The following WNT11 variants were observed in gnomAD, a reference collection of about 807,000 sequenced individuals.
WNT11 encodes Wnt family member 11, also known as protein Wnt-11.
In WNT11, 20 loss-of-function variants were observed where a neutral mutation model predicts 35.6. The observed-to-expected ratio is 0.56, with a 90% CI of 0.40 to 0.82. The LOEUF (loss-of-function observed/expected upper bound fraction) is 0.82, where lower values mean the gene tolerates loss of function less well. Among genes scored for constraint, WNT11 ranks in the 40% least tolerant of loss-of-function variants. The pLI is 0.00. For synonymous variants in WNT11, 200 were observed against 211.9 expected (o/e 0.94, Z 0.49); for missense variants, 459 against 504.4 (o/e 0.91, Z 0.86).
intron 1 of WNT11, among the ~76,000 whole-genome samples, 167 bp from the exon 2 acceptor site, chr11:76,196,885 A>G (rs919883726): frequency 1.3e-5 from 2 of 152,254 alleles, no homozygotes; most frequent in African/African-American, 4.8e-5. Flanking sequence ...CTGGCAGAGC[A>G]GTGGATCCCC....
intron 1 of WNT11, among the ~76,000 whole-genome samples, chr11:76,203,142 C>T (rs150693019): frequency 1.1e-3 from 167 of 152,342 alleles, no homozygotes; most frequent in Non-Finnish European, 1.7e-3. Context: ...CAGATCTGTA[C>T]GCAGCCAATC....
At chr11:76,193,211 T>TA (rs1953211656) in intron 3 of WNT11, among the ~76,000 whole-genome samples, 1 of 152,260 alleles carries the variant, frequency 6.6e-6, no homozygotes, top group African/African-American at 2.4e-5. Flanking sequence ...CCTGGTGTAT[T>TA]AAACACGTTT....
chr11:76,197,039 C>T (rs3781730), intron 1 of WNT11, among the ~76,000 whole-genome samples: 15,473 of 152,298 alleles, frequency 0.1, 1,021 homozygotes, highest in Non-Finnish European at 0.15. Flanking sequence ...CAAAGCTCAC[C>T]TCCACCACCT....
chr11:76,189,856 G>A (rs561712820), intron 4 of WNT11, among the ~76,000 whole-genome samples: 3 of 152,210 alleles, frequency 2.0e-5, no homozygotes, highest in African/African-American at 7.2e-5. Context: ...GAAATTGGGG[G>A]TGTTTGTTAC....
At chr11:76,209,561 G>A (rs984733215), upstream of WNT11, among the ~76,000 whole-genome samples, 1 of 152,220 alleles carries the variant, frequency 6.6e-6, no homozygotes, top group Non-Finnish European at 1.5e-5. Context: ...GCCGAGCGAC[G>A]GCTTCAAGGT....
upstream of WNT11, among the ~76,000 whole-genome samples, chr11:76,207,485 G>T (rs1953492190): frequency 6.6e-6 from 1 of 152,150 alleles, no homozygotes; most frequent in Admixed American, 6.5e-5. Context: ...CACAGAGGTG[G>T]GGTTCAGCTA....
chr11:76,195,269 T>G (rs942491837), intron 2 of WNT11, among the ~76,000 whole-genome samples: 26 of 152,206 alleles, frequency 1.7e-4, no homozygotes, highest in African/African-American at 6.0e-4. Flanking sequence ...GAGCATAATC[T>G]TATGACGAAG....
chr11:76,194,530 G>A lies in WNT11; in HGVS notation c.597+37C>T. 1.5e-6 allele frequency: 2 copies of A among 1,362,090 alleles called. No individual in the cohort carries two copies. The highest frequency in any genetic ancestry group is 2.0e-6 in the Non-Finnish European group (2 of 1,024,992). The allele number at this position is 1,362,090 out of a possible 1,614,324, so 84.4% of individuals were successfully genotyped here. A position where few individuals can be genotyped will look rare whatever the true frequency, so the allele number is the denominator to read the frequency against. On this transcript the variant is annotated intron_variant, in intron 3 of 4. Coordinates refer to ENST00000322563, the MANE Select transcript of WNT11 (RefSeq NM_004626.3). The surrounding 1 kb of genome is among the most constrained non-coding windows in gnomAD (Gnocchi z 5.4). Reference sequence around the variant, plus strand: ...GGCCCTTTTCTGGCCAATGGCACAAGCACAACTATCTGGGGGTGGGTGGGG... The same window carrying A: ...GGCCCTTTTCTGGCCAATGGCACAAACACAACTATCTGGGGGTGGGTGGGG...
chr11:76,193,709 G>A (rs1953224316), intron 3 of WNT11, among the ~76,000 whole-genome samples: 1 of 152,224 alleles, frequency 6.6e-6, no homozygotes, highest in Non-Finnish European at 1.5e-5. Flanking sequence ...ATTGTGCCGT[G>A]GGGCTGAGCC....
In WNT11 at chr11:76,191,767, C is replaced by T. The variant is rs201172798; in HGVS notation, c.687G>A (p.Glu229=). The change falls in exon 4 of 5, where the codon GAG becomes GAA. Residue 229 remains glutamate, a synonymous_variant. Transcript: ENST00000322563. ...SIRTCWKGLQ[E]LQDVAADLKT... ...TGAGGTCAGCAGCCACATCCTGCAGCTCCTGCAGCCCCTTCCAGCAGGTGC... is the reference window on the plus strand; with the variant it reads ...TGAGGTCAGCAGCCACATCCTGCAGTTCCTGCAGCCCCTTCCAGCAGGTGC... 3.3e-5 allele frequency: 53 copies of T among 1,613,270 alleles called. 1 individual carries two copies. In the East Asian group the frequency reaches 1.1e-3, roughly 33 times the overall value.
rs745388703 is a variant in WNT11 at position 76,206,313 on chromosome 11, G to A, written c.83+12C>T. On this transcript the variant is annotated intron_variant, in intron 1 of 4. Coordinates refer to ENST00000322563, the MANE Select transcript of WNT11 (RefSeq NM_004626.3). ...CCTGGCCTGTGCGCGTGGACGCGGGGTCCCTACTCACAGCCACTTGATGCC... is the reference window on the plus strand; with the variant it reads ...CCTGGCCTGTGCGCGTGGACGCGGGATCCCTACTCACAGCCACTTGATGCC... 1.2e-5 allele frequency: 18 copies of A among 1,542,210 alleles called. No individual in the cohort carries two copies. Among genetic ancestry groups the A allele is most frequent in the Non-Finnish European group, 1.5e-5 (17 of 1,146,528 alleles).
chr11:76,203,973 C>G (rs1408843410), intron 1 of WNT11, among the ~76,000 whole-genome samples: 1 of 152,188 alleles, frequency 6.6e-6, no homozygotes, highest in Admixed American at 6.5e-5. Context: ...GTAGAGTCCC[C>G]CATCTCTGTG....
At chr11:76,196,841 T>C in intron 1 of WNT11, 123 bp from the exon 2 acceptor site, 1 of 1,135,564 alleles carries the variant, frequency 8.8e-7, no homozygotes, top group Non-Finnish European at 1.2e-6. Flanking sequence ...CCTGGTTTCC[T>C]GGCTCCTTCC....
At position 76,204,405 on chromosome 11, in the gene WNT11, C is replaced by T. The variant is rs76176915; in HGVS notation, c.83+1920G>A. Among the ~76,000 whole-genome samples, 88 of 152,322 alleles carry T rather than the reference C, an allele frequency of 5.8e-4. 1 individual carries two copies. The East Asian group carries it at 0.01, about 18-fold the overall frequency. On this transcript the variant is annotated intron_variant, in intron 1 of 4. Transcript: ENST00000322563. ...GGTGCCTGGTTTCTCCAGGTCTCCC[C>T]GCATGCGCTGTTCGGCCTCCAGGCT...
In WNT11 at chr11:76,194,885, G is replaced by A. The variant is rs11236649; in HGVS notation, c.320-41C>T. 192,492 of 1,457,282 alleles carry A rather than the reference G, an allele frequency of 0.13. 13,820 individuals are homozygous for A. Among genetic ancestry groups the A allele is most frequent in the Middle Eastern group, 0.16 (623 of 3,980 alleles). 90.3% of individuals were successfully genotyped at this position (1,457,282 alleles called of 1,614,324 possible). A position where few individuals can be genotyped will look rare whatever the true frequency, so the allele number is the denominator to read the frequency against. ...GAAGGTCAGCCGACGCTGATCCAGG[G>A]CTAGGACCCTGCCCAGGTCAGAGGT... is the stretch of plus-strand genomic sequence containing the variant. On this transcript the variant is annotated intron_variant, in intron 2 of 4. Transcript: ENST00000322563. The surrounding 1 kb of genome is among the most constrained non-coding windows in gnomAD (Gnocchi z 5.4).
chr11:76,199,529 TA>T (rs1953341839), intron 1 of WNT11, among the ~76,000 whole-genome samples: 1 of 151,636 alleles, frequency 6.6e-6, no homozygotes, highest in African/African-American at 2.4e-5. Context: ...GCAAAGTGTT[TA>T]AAACATTCAT....
At chr11:76,192,381 G>C (rs538292962) in intron 3 of WNT11, among the ~76,000 whole-genome samples, 1 of 152,316 alleles carries the variant, frequency 6.6e-6, no homozygotes, top group East Asian at 1.9e-4. Context: ...AAGGGAGGAG[G>C]GTAGGAAGGG....
At chr11:76,206,133 T>C (rs1469965593) in intron 1 of WNT11, among the ~76,000 whole-genome samples, 192 bp downstream of exon 1, 1 of 126,884 alleles carries the variant, frequency 7.9e-6, no homozygotes, top group African/African-American at 2.8e-5. Flanking sequence ...CTCACTCCCT[T>C]TTCGCAAGCC....
upstream of WNT11, chr11:76,210,333 C>A (rs1405085581): frequency 4.2e-6 from 3 of 708,328 alleles, no homozygotes; most frequent in East Asian, 1.3e-4. Context: ...TGGAGGAGCG[C>A]TTGGTTTGCT....
Sources: gnomAD v4.1 joint callset for allele counts (sites outside exome capture counted in the v4.1 genomes callset) on GRCh38, gnomAD v4.1.1 for gene constraint, Gnocchi (gnomAD v3.1) non-coding constraint, MANE v1.5 for transcripts, NCBI Gene and HGNC (gene_info 2026-07-23, HGNC 2026-07-21) for gene names.